Variants in TRAPPC9 observed in about 807,000 individuals in gnomAD.
TRAPPC9 encodes the protein trafficking protein particle complex subunit 9.
Under a neutral mutation model 124.0 loss-of-function variants are expected in TRAPPC9, and 83 were observed. The observed-to-expected ratio is 0.67, with a 90% confidence interval of 0.56 to 0.80. The LOEUF is 0.80. Ranked by LOEUF, TRAPPC9 falls within the 30% of genes least tolerant of loss-of-function variation. The pLI, the probability that TRAPPC9 is intolerant of heterozygous loss-of-function variation, is 0.00. For synonymous variants in TRAPPC9, 638 were observed against 617.5 expected, an observed-to-expected ratio of 1.03 and a Z score of -0.49; for missense variants, 1,302 against 1,508.3, an observed-to-expected ratio of 0.86 and a Z score of 2.27.
intron 14 of TRAPPC9, among the ~76,000 whole-genome samples, chr8:140,276,846 T>G (rs1244221652): frequency 2.0e-5 from 3 of 152,064 alleles, no homozygotes; most frequent in African/African-American, 4.8e-5. Context: ...GCCTGAAGGT[T>G]TCCTGAGTAC....
At position 140,041,841 on chromosome 8, in the gene TRAPPC9, G is replaced by C. The variant is rs143148277; in HGVS notation, c.2557-17762C>G. Among the ~76,000 whole-genome samples the C allele has an allele frequency of 6.6e-4, 100 of 152,218 alleles. No individual in the cohort carries two copies. In the Middle Eastern group the frequency reaches 0.01, roughly 16 times the overall value. On this transcript the variant is annotated intron_variant, in intron 17 of 22. Transcript: ENST00000438773. ...ACAAAAATTAGCTGGGTGTGGTGGCGTGTACCTATAATCCCAGCTATTCAG... is the reference window on the plus strand; with the variant it reads ...ACAAAAATTAGCTGGGTGTGGTGGCCTGTACCTATAATCCCAGCTATTCAG...
intron 17 of TRAPPC9, among the ~76,000 whole-genome samples, chr8:140,171,324 T>C (rs1261662131): frequency 1.3e-5 from 2 of 152,226 alleles, no homozygotes; most frequent in African/African-American, 4.8e-5. Context: ...AAAAATACTC[T>C]TTTAAAAGAA....
intron 17 of TRAPPC9, among the ~76,000 whole-genome samples, chr8:140,171,479 T>C (rs980236376): frequency 5.9e-5 from 9 of 152,244 alleles, no homozygotes; most frequent in African/African-American, 1.9e-4. Context: ...CTGTAAAACA[T>C]ATCCTCTAAG....
intron 10 of TRAPPC9, among the ~76,000 whole-genome samples, chr8:140,308,205 G>A (rs1563933788): frequency 6.6e-6 from 1 of 151,972 alleles, no homozygotes; most frequent in Non-Finnish European, 1.5e-5. Context: ...GGGAAAGCAG[G>A]AGCGTAGGAC....
intron 17 of TRAPPC9, among the ~76,000 whole-genome samples, chr8:140,079,215 C>T (rs927924060): frequency 6.6e-6 from 1 of 152,166 alleles, no homozygotes; most frequent in Non-Finnish European, 1.5e-5. Flanking sequence ...AACTGTGAGT[C>T]CATTAAACCT....
intron 12 of TRAPPC9, among the ~76,000 whole-genome samples, chr8:140,289,742 G>A (rs756379676): frequency 2.5e-4 from 38 of 152,124 alleles, no homozygotes; most frequent in Non-Finnish European, 5.1e-4. Flanking sequence ...CCACTTTGGG[G>A]AAAATTCTCT....
chr8:140,229,796 G>A (rs924677105), intron 16 of TRAPPC9, among the ~76,000 whole-genome samples: 5 of 151,810 alleles, frequency 3.3e-5, no homozygotes, highest in Non-Finnish European at 7.4e-5. Context: ...GGCCTCAAGT[G>A]ATCCACCAGC....
intron 19 of TRAPPC9, among the ~76,000 whole-genome samples, chr8:139,943,578 A>C (rs1834036326): frequency 6.6e-6 from 1 of 152,250 alleles, no homozygotes; most frequent in East Asian, 1.9e-4. Context: ...AATTGACATC[A>C]ATTTGAGAGA....
At chr8:139,823,228 A>G (rs1473576829) in intron 21 of TRAPPC9, among the ~76,000 whole-genome samples, 1 of 151,820 alleles carries the variant, frequency 6.6e-6, no homozygotes, top group Non-Finnish European at 1.5e-5. Context: ...AGGTGGGAGG[A>G]GCTTTGATTG....
chr8:140,274,590 G>A (rs536415848), intron 15 of TRAPPC9, among the ~76,000 whole-genome samples: 8 of 152,286 alleles, frequency 5.3e-5, no homozygotes, highest in South Asian at 2.1e-4. Context: ...TCTCCAGAGC[G>A]GTACAAGCCC....
At chr8:140,322,568 C>T (rs183118263) in intron 9 of TRAPPC9, among the ~76,000 whole-genome samples, 29 of 152,100 alleles carry the variant, frequency 1.9e-4, no homozygotes, top group African/African-American at 6.7e-4. Context: ...TGGCTCACAC[C>T]TGTGTTCCCA....
chr8:140,159,025 T>C (rs1282321795), intron 17 of TRAPPC9, among the ~76,000 whole-genome samples: 1 of 152,200 alleles, frequency 6.6e-6, no homozygotes, highest in Non-Finnish European at 1.5e-5. Context: ...GCAGCATGTG[T>C]AAGACAGAGT....
chr8:139,998,582 C>T (rs1158794149), intron 18 of TRAPPC9, among the ~76,000 whole-genome samples: 4 of 152,032 alleles, frequency 2.6e-5, no homozygotes, highest in Admixed American at 6.6e-5. Flanking sequence ...ATTAGCTGGG[C>T]GTGCTGGTGG....
chr8:139,874,848 C>T (rs1177385166), intron 21 of TRAPPC9, among the ~76,000 whole-genome samples: 1 of 152,148 alleles, frequency 6.6e-6, no homozygotes, highest in African/African-American at 2.4e-5. Context: ...TCGCCCTGAG[C>T]GCCGTGGGAA....
At chr8:139,895,284 G>GGA (rs750603586) in intron 20 of TRAPPC9, among the ~76,000 whole-genome samples, 11 of 152,308 alleles carry the variant, frequency 7.2e-5, no homozygotes, top group African/African-American at 1.4e-4. Context: ...GCAGGAAAGA[G>GGA]GAGAGAGAAC....
intron 16 of TRAPPC9, among the ~76,000 whole-genome samples, chr8:140,248,532 GGGT>G (rs1488207985): frequency 6.6e-6 from 1 of 152,140 alleles, no homozygotes; most frequent in Non-Finnish European, 1.5e-5. Context: ...TTATATTTTG[GGGT>G]CCGTGGGGAT....
At chr8:139,850,318 A>T (rs1827360939) in intron 21 of TRAPPC9, among the ~76,000 whole-genome samples, 1 of 152,212 alleles carries the variant, frequency 6.6e-6, no homozygotes, top group Admixed American at 6.5e-5. Context: ...TTCTCATGAT[A>T]AGCAGGGGCA....
At chr8:140,202,380 T>C (rs2062812248) in intron 17 of TRAPPC9, among the ~76,000 whole-genome samples, 2 of 152,090 alleles carry the variant, frequency 1.3e-5, no homozygotes, top group African/African-American at 4.8e-5. Flanking sequence ...CTGCAGAAGC[T>C]CTTAAACAAT....
intron 21 of TRAPPC9, among the ~76,000 whole-genome samples, chr8:139,837,278 C>T (rs1007415603): frequency 7.9e-5 from 12 of 152,118 alleles, no homozygotes; most frequent in African/African-American, 2.9e-4. Flanking sequence ...GACACCCTGT[C>T]GAGGCAGCAC....
Sources: allele counts gnomAD v4.1 joint callset (sites outside exome capture counted in the v4.1 genomes callset), GRCh38; gene constraint gnomAD v4.1.1; transcripts MANE v1.5; gene names NCBI Gene and HGNC (gene_info 2026-07-23, HGNC 2026-07-21).